RNF150: variants seen among roughly 807,000 people sequenced by gnomAD.
RNF150 encodes ring finger protein 150.
In RNF150, 24 loss-of-function variants were observed where a neutral mutation model predicts 39.3. That is an observed-to-expected ratio of 0.61 (90% CI 0.44 to 0.86). The LOEUF is 0.86. Ranked by LOEUF, RNF150 falls within the 40% of genes least tolerant of loss-of-function variation. The probability of loss-of-function intolerance (pLI) is 0.00; values close to 1 mark genes in which losing one functional copy is unlikely to be tolerated. For synonymous variants in RNF150, 255 were observed against 227.3 expected (o/e 1.12, Z -1.10); for missense variants, 502 against 587.8 (o/e 0.85, Z 1.51).
intron 1 of RNF150, among the ~76,000 whole-genome samples, chr4:141,009,864 C>G (rs191304738): frequency 6.6e-6 from 1 of 152,200 alleles, no homozygotes; most frequent in Non-Finnish European, 1.5e-5. Context: ...TGCAGGCATC[C>G]CCAAATTAGG....
At chr4:141,043,325 T>C (rs922721339) in intron 1 of RNF150, among the ~76,000 whole-genome samples, 1 of 152,098 alleles carries the variant, frequency 6.6e-6, no homozygotes, top group Admixed American at 6.6e-5. Flanking sequence ...AAAAGCAAGA[T>C]ACCAGTCCAT....
intron 1 of RNF150, among the ~76,000 whole-genome samples, chr4:140,968,111 T>C (rs1416912557): frequency 1.3e-5 from 2 of 152,104 alleles, no homozygotes; most frequent in African/African-American, 4.8e-5. Context: ...AATGCATTCA[T>C]GATTTTAGTA....
At chr4:141,093,995 C>G (rs1738686377) in intron 1 of RNF150, among the ~76,000 whole-genome samples, 1 of 152,076 alleles carries the variant, frequency 6.6e-6, no homozygotes, top group Non-Finnish European at 1.5e-5. Context: ...GAAATACATA[C>G]TAATTGAAAG....
At chr4:141,060,606 C>A (rs1737179619) in intron 1 of RNF150, among the ~76,000 whole-genome samples, 1 of 152,034 alleles carries the variant, frequency 6.6e-6, no homozygotes, top group Non-Finnish European at 1.5e-5. Flanking sequence ...GTTTTTAATT[C>A]ATTTTTAGCT....
intron 1 of RNF150, among the ~76,000 whole-genome samples, chr4:141,000,087 GAGAAGAAGAAGA>G (rs138129349): frequency 2.8e-5 from 1 of 35,928 alleles, no homozygotes; most frequent in Non-Finnish European, 5.3e-5. Context: ...GAAGAAGAAG[GAGAAGAAGAAGA>G]AGAAGAAGAG....
chr4:141,171,515 A>G (rs969380032), intron 1 of RNF150, among the ~76,000 whole-genome samples: 3 of 151,888 alleles, frequency 2.0e-5, no homozygotes, highest in Non-Finnish European at 2.9e-5. Flanking sequence ...CTTACTACTT[A>G]CTAGTGAGTG....
At chr4:140,920,703 T>C (rs1211305069) in intron 5 of RNF150, among the ~76,000 whole-genome samples, 1 of 152,088 alleles carries the variant, frequency 6.6e-6, no homozygotes, top group African/African-American at 2.4e-5. Context: ...ACCCTAAGGA[T>C]TATAAACCAT....
At position 141,102,913 on chromosome 4, in the gene RNF150, A is replaced by C. The variant is rs113988905; in HGVS notation, c.484+29412T>G. Among the ~76,000 whole-genome samples, 1,014 of 152,278 alleles carry C rather than the reference A, an allele frequency of 6.7e-3. 7 individuals are homozygous for C. The highest frequency in any genetic ancestry group is 0.023 in the African/African-American group (947 of 41,544). On this transcript the variant is annotated intron_variant, in intron 1 of 6. Transcript: ENST00000515673. The stretch of plus-strand genomic sequence containing the variant: ...TAGGTATTACTAAAATGGAGCCTGG[A>C]GGGGCCAGGGTGGTAATGGATGCCA...
chr4:140,977,740 G>A (rs796736920), intron 1 of RNF150, among the ~76,000 whole-genome samples: 7 of 152,150 alleles, frequency 4.6e-5, no homozygotes, highest in African/African-American at 1.7e-4. Context: ...CAACTTATTT[G>A]AATTCACATT....
intron 1 of RNF150, among the ~76,000 whole-genome samples, chr4:141,094,834 T>C (rs982854572): frequency 3.3e-5 from 5 of 152,310 alleles, no homozygotes; most frequent in African/African-American, 1.2e-4. Flanking sequence ...GGTAAACATA[T>C]GTGACAGTCC....
At chr4:141,006,262 G>A (rs922526596) in intron 1 of RNF150, among the ~76,000 whole-genome samples, 8 of 147,234 alleles carry the variant, frequency 5.4e-5, no homozygotes, top group Non-Finnish European at 7.5e-5. Flanking sequence ...ACATATATAC[G>A]TATATATATA....
Position 141,029,286 on chromosome 4 carries a change from C to T in RNF150, c.485-61413G>A, listed in dbSNP as rs138595810. Among the ~76,000 whole-genome samples, 335 of 152,230 alleles carry T rather than the reference C, an allele frequency of 2.2e-3. 1 individual carries two copies. Among genetic ancestry groups the T allele is most frequent in the African/African-American group, 7.8e-3 (323 of 41,536 alleles). ...AAACAGGCCCCATCACAATTCAATTCCAAGCAACTTCCAGATGGTTCCTGC... is the reference window on the plus strand; with the variant it reads ...AAACAGGCCCCATCACAATTCAATTTCAAGCAACTTCCAGATGGTTCCTGC... On this transcript the variant is annotated intron_variant, in intron 1 of 6. Transcript: ENST00000515673.
At chr4:140,996,666 G>A (rs1284580501) in intron 1 of RNF150, among the ~76,000 whole-genome samples, 2 of 152,178 alleles carry the variant, frequency 1.3e-5, no homozygotes, top group African/African-American at 2.4e-5. Context: ...CATTAGAGAA[G>A]CAAGGTAAAA....
intron 1 of RNF150, among the ~76,000 whole-genome samples, chr4:141,035,407 A>C (rs1736102834): frequency 6.6e-6 from 1 of 152,192 alleles, no homozygotes; most frequent in Non-Finnish European, 1.5e-5. Context: ...AGTTTACCCT[A>C]AAAAGAATGC....
chr4:140,999,217 A>T (rs1320491506), intron 1 of RNF150, among the ~76,000 whole-genome samples: 1 of 152,242 alleles, frequency 6.6e-6, no homozygotes, highest in Non-Finnish European at 1.5e-5. Context: ...TATTAAAGGG[A>T]GAGAGGTGAT....
At chr4:141,169,231 G>C (rs1444802456) in intron 1 of RNF150, among the ~76,000 whole-genome samples, 1 of 151,920 alleles carries the variant, frequency 6.6e-6, no homozygotes, top group Admixed American at 6.6e-5. Flanking sequence ...GTGTAGCACC[G>C]CCCCCTTTTT....
rs1726944009 is a variant in RNF150, at chr4:141,132,913, G to A, written c.-105C>T. 1 of 954,960 alleles carries A rather than the reference G, an allele frequency of 1.0e-6. No homozygotes were observed. The highest frequency in any genetic ancestry group is 1.6e-6 in the Non-Finnish European group (1 of 634,248). The allele number at this position is 954,960 out of a possible 1,614,324, so 59.2% of individuals were successfully genotyped here. A position where few individuals can be genotyped will look rare whatever the true frequency, so the allele number is the denominator to read the frequency against. ...GGCCGCTGCCTCTCCTCCTGCTGCT[G>A]CTCACTCCCGGGCCGGAGGGGCCGC... is the stretch of plus-strand genomic sequence containing the variant. On this transcript the variant is annotated 5_prime_UTR_variant, in exon 1 of 7. Transcript: ENST00000515673. The surrounding 1 kb of genome is among the most constrained non-coding windows in gnomAD (Gnocchi z 4.9).
At position 141,132,203 on chromosome 4, in the gene RNF150, A is replaced by C; in HGVS notation, c.484+122T>G. 9.9e-7 allele frequency: 1 copy of C among 1,005,082 alleles called. No individual in the cohort carries two copies. Among genetic ancestry groups the C allele is most frequent in the Non-Finnish European group, 1.5e-6 (1 of 682,734 alleles). The allele number at this position is 1,005,082 out of a possible 1,614,324, so 62.3% of individuals were successfully genotyped here. A position where few individuals can be genotyped will look rare whatever the true frequency, so the allele number is the denominator to read the frequency against. ...GAGCAAAACTTAATCGGTCCAGGGA[A>C]CCCAGACACGTCTTCCGCGCCGCAC... On this transcript the variant is annotated intron_variant, in intron 1 of 6. Coordinates refer to ENST00000515673, the MANE Select transcript of RNF150 (RefSeq NM_020724.2). This position sits in a 1 kb window ranked among gnomAD's most constrained non-coding sequence, Gnocchi z 4.9.
At chr4:141,000,555 G>T (rs1362097442) in intron 1 of RNF150, among the ~76,000 whole-genome samples, 1 of 152,070 alleles carries the variant, frequency 6.6e-6, no homozygotes, top group Non-Finnish European at 1.5e-5. Context: ...TAACTCCTTT[G>T]GAATATTAAA....
Sources: allele counts gnomAD v4.1 joint callset (sites outside exome capture counted in the v4.1 genomes callset), GRCh38; gene constraint gnomAD v4.1.1; non-coding constraint Gnocchi (gnomAD v3.1); transcripts MANE v1.5; gene names NCBI Gene and HGNC (gene_info 2026-07-23, HGNC 2026-07-21).